The following MAGI2 variants were observed in gnomAD, a reference collection of about 807,000 sequenced individuals.
MAGI2 encodes the protein membrane associated guanylate kinase, WW and PDZ domain containing 2, also known as membrane-associated guanylate kinase, WW and PDZ domain-containing protein 2.
In MAGI2, 35 loss-of-function variants were observed where a neutral mutation model predicts 133.3. The ratio of observed to expected loss-of-function variants is 0.26; its 90% confidence interval spans 0.20 to 0.35. The LOEUF (loss-of-function observed/expected upper bound fraction) is 0.35. MAGI2 is among the 10% of genes least tolerant of loss of function. MAGI2 has a pLI of 1.00. For missense variants in MAGI2, 1,636 were observed against 1,863.4 expected, an observed-to-expected ratio of 0.88 and a Z score of 2.25; for synonymous variants, 729 against 710.6, an observed-to-expected ratio of 1.03 and a Z score of -0.41.
intron 2 of MAGI2, among the ~76,000 whole-genome samples, chr7:78,887,659 T>G (rs1320966838): frequency 6.6e-6 from 1 of 152,242 alleles, no homozygotes; most frequent in Non-Finnish European, 1.5e-5. Context: ...ATTTCTTCTT[T>G]CATCTCTGCA....
rs536197856 is a variant in MAGI2 at position 79,059,642 on chromosome 7, T to C, written c.302-52436A>G. 2.6e-5 allele frequency among the ~76,000 whole-genome samples: 4 copies of C among 152,226 alleles called. No homozygotes were observed. In the East Asian group the frequency reaches 7.7e-4, roughly 29 times the overall value. On this transcript the variant is annotated intron_variant, in intron 1 of 21. Transcript: ENST00000354212. ...TTTCTATATTATCCAAGCACTTTGG[T>C]TATTAGATCTTTATGTCCATGTTTG...
chr7:78,501,936 A>T, intron 4 of MAGI2, 149 bp from the exon 5 acceptor site: 1 of 618,996 alleles, frequency 1.6e-6, no homozygotes, highest in Admixed American at 2.8e-5. Context: ...AATGATCACT[A>T]GGCCTATTTG....
intron 1 of MAGI2, among the ~76,000 whole-genome samples, chr7:79,317,459 G>C (rs908312108): frequency 2.6e-5 from 4 of 151,350 alleles, no homozygotes; most frequent in Admixed American, 2.0e-4. Context: ...GCAAGCCAAA[G>C]GTGCATTTCG....
chr7:78,730,993 C>A (rs2151224857), intron 2 of MAGI2, among the ~76,000 whole-genome samples: 1 of 152,006 alleles, frequency 6.6e-6, no homozygotes, highest in African/African-American at 2.4e-5. Context: ...TACAATTTTC[C>A]TCAAATTTTC....
intron 3 of MAGI2, among the ~76,000 whole-genome samples, chr7:78,525,524 A>T (rs1433641844): frequency 6.6e-6 from 1 of 152,228 alleles, no homozygotes; most frequent in East Asian, 1.9e-4. Context: ...AACTGTTTTA[A>T]AATACAATTT....
chr7:79,104,026 A>G (rs1431537144), intron 1 of MAGI2, among the ~76,000 whole-genome samples: 1 of 152,164 alleles, frequency 6.6e-6, no homozygotes, highest in East Asian at 1.9e-4. Context: ...AGTGGTGGCT[A>G]CATGGTTGTA....
intron 2 of MAGI2, among the ~76,000 whole-genome samples, chr7:78,732,352 C>T (rs373863108): frequency 6.6e-6 from 1 of 152,102 alleles, no homozygotes. Flanking sequence ...TAGTCTGACA[C>T]CTTAAGTATA....
intron 2 of MAGI2, among the ~76,000 whole-genome samples, chr7:78,827,334 A>C (rs966614536): frequency 6.6e-6 from 1 of 152,154 alleles, no homozygotes; most frequent in African/African-American, 2.4e-5. Context: ...GCTGCAGTGC[A>C]GTAGCATGAT....
intron 9 of MAGI2, among the ~76,000 whole-genome samples, chr7:78,310,609 A>G (rs1798620705): frequency 6.6e-6 from 1 of 152,136 alleles, no homozygotes; most frequent in South Asian, 2.1e-4. Context: ...GTTGGAGTAA[A>G]GATGCTGGGA....
chr7:78,338,570 G>A (rs56307394), intron 9 of MAGI2, among the ~76,000 whole-genome samples: 6 of 152,270 alleles, frequency 3.9e-5, no homozygotes, highest in Non-Finnish European at 7.3e-5. Context: ...AGTAATTTGG[G>A]ATTTGCTAGT....
chr7:79,175,977 T>C (rs951768629), intron 1 of MAGI2, among the ~76,000 whole-genome samples: 8 of 152,024 alleles, frequency 5.3e-5, no homozygotes, highest in African/African-American at 1.9e-4. Context: ...TTTTCATTTG[T>C]TACCTCTCTC....
chr7:79,137,389 G>T (rs1012596630), intron 1 of MAGI2, among the ~76,000 whole-genome samples: 1 of 151,502 alleles, frequency 6.6e-6, no homozygotes, highest in African/African-American at 2.4e-5. Flanking sequence ...CCACACCCTG[G>T]ACTACCATGA....
chr7:78,511,554 T>TATATAAA (rs372551773), intron 4 of MAGI2, among the ~76,000 whole-genome samples: 88 of 104,768 alleles, frequency 8.4e-4, no homozygotes, highest in African/African-American at 3.3e-3. Context: ...TATATAAATT[T>TATATAAA]TTTTTTTTTT....
At chr7:78,103,802 GAA>G (rs1417549952) in intron 20 of MAGI2, among the ~76,000 whole-genome samples, 1 of 152,266 alleles carries the variant, frequency 6.6e-6, no homozygotes, top group Non-Finnish European at 1.5e-5. Flanking sequence ...GCTATGAATT[GAA>G]ATATTTCCCT....
intron 1 of MAGI2, among the ~76,000 whole-genome samples, chr7:79,342,906 C>T (rs948276524): frequency 1.3e-5 from 2 of 151,780 alleles, no homozygotes; most frequent in African/African-American, 4.8e-5. Flanking sequence ...ATTACAGGCA[C>T]GTGCCACCAT....
intron 1 of MAGI2, among the ~76,000 whole-genome samples, chr7:79,145,638 C>A (rs938509999): frequency 1.3e-5 from 2 of 152,082 alleles, no homozygotes; most frequent in Non-Finnish European, 2.9e-5. Flanking sequence ...AACCAATGCT[C>A]GTGTTCACAT....
At chr7:78,645,681 C>G (rs1319560) in intron 2 of MAGI2, among the ~76,000 whole-genome samples, 33,961 of 149,330 alleles carry the variant, frequency 0.23, 4,411 homozygotes, top group Admixed American at 0.29. Context: ...ATACCATTTA[C>G]GTGAAGTTTT....
At chr7:79,200,527 C>T (rs1046041462) in intron 1 of MAGI2, among the ~76,000 whole-genome samples, 2 of 150,914 alleles carry the variant, frequency 1.3e-5, no homozygotes, top group African/African-American at 4.9e-5. Flanking sequence ...GGGAGGATGG[C>T]TTAAACCCAG....
chr7:78,834,095 T>C (rs1007132080), intron 2 of MAGI2, among the ~76,000 whole-genome samples: 1 of 150,118 alleles, frequency 6.7e-6, no homozygotes, highest in East Asian at 2.0e-4. Context: ...AACTCTTGTA[T>C]ATCCCTTATT....
Sources: gnomAD v4.1 joint callset for allele counts (sites outside exome capture counted in the v4.1 genomes callset) on GRCh38, gnomAD v4.1.1 for gene constraint, MANE v1.5 for transcripts, NCBI Gene and HGNC (gene_info 2026-07-23, HGNC 2026-07-21) for gene names.